Variants in ST6GALNAC2 observed in about 807,000 individuals in gnomAD.
ST6GALNAC2 encodes the protein ST6 N-acetylgalactosaminide alpha-2,6-sialyltransferase 2.
Under a neutral mutation model 38.7 loss-of-function variants are expected in ST6GALNAC2, and 42 were observed. The ratio of observed to expected loss-of-function variants is 1.09; its 90% CI spans 0.85 to 1.40. ST6GALNAC2 has a LOEUF of 1.40. ST6GALNAC2 is among the 40% of genes most tolerant of loss of function. ST6GALNAC2 has a pLI of 0.00. For missense variants in ST6GALNAC2, 506 were observed against 481.7 expected, an observed-to-expected ratio of 1.05 and a Z score of -0.47; for synonymous variants, 233 against 209.0, an observed-to-expected ratio of 1.11 and a Z score of -0.99.
chr17:76,585,576 C>G, intron 1 of ST6GALNAC2, 108 bp downstream of exon 1: 1 of 1,278,970 alleles, frequency 7.8e-7, no homozygotes, highest in Non-Finnish European at 1.0e-6. Context: ...GGGGTCCACG[C>G]GGAGGTTGGG....
In ST6GALNAC2 at chr17:76,567,499, C is replaced by T. The variant is rs1460026903; in HGVS notation, c.911G>A (p.Ser304Asn). The change falls in exon 8 of 9, where the codon AGT becomes AAT. Residue 304 changes from serine (S) to asparagine (N), a missense_variant. Physicochemically the swap from Ser to Asn is conservative, Grantham distance 46. Transcript: ENST00000225276. ...TGTCAGCAGCATGAGAGCCCCGGTACTAGGCATATATAGGTCTCCAAAATG... is the reference window on the plus strand; with the variant it reads ...TGTCAGCAGCATGAGAGCCCCGGTATTAGGCATATATAGGTCTCCAAAATG... Reference protein sequence around the residue: ...NTHFGDLYMPSTGALMLLTAL... With the variant: ...NTHFGDLYMPNTGALMLLTAL... 6.2e-7 allele frequency: 1 copy of T among 1,614,010 alleles called. No individual in the cohort carries two copies. Among genetic ancestry groups the T allele is most frequent in the Non-Finnish European group, 8.5e-7 (1 of 1,180,016 alleles).
chr17:76,567,456 G>GTA lies in ST6GALNAC2; in HGVS notation c.953_954insTA (p.Gln319ThrfsTer25). On this transcript the variant is annotated frameshift_variant, in exon 8 of 9. Transcript: ENST00000225276. LOFTEE classifies it low-confidence loss of function (END_TRUNC). ...TCTGGAAGAGAAGGCCTCTTACCTG[G>GTA]TCACAGGTATGCAAAGCTGTCAGCA... 1 of 1,610,052 alleles carries GTA rather than the reference G, an allele frequency of 6.2e-7. No individual in the cohort carries two copies. Among genetic ancestry groups the GTA allele is most frequent in the Non-Finnish European group, 8.5e-7 (1 of 1,176,436 alleles).
At chr17:76,576,022 T>C (rs1315020336) in intron 2 of ST6GALNAC2, among the ~76,000 whole-genome samples, 1 of 152,166 alleles carries the variant, frequency 6.6e-6, no homozygotes, top group East Asian at 1.9e-4. Flanking sequence ...GGCGGGAGGA[T>C]AACTTGAGGC....
At position 76,572,810 on chromosome 17, in the gene ST6GALNAC2, T is replaced by C. The variant is rs1389053651; in HGVS notation, c.531-35A>G. 5.6e-6 allele frequency: 9 copies of C among 1,612,982 alleles called. No homozygotes were observed. The South Asian group carries it at 9.9e-5, about 18-fold the overall frequency. ...ACAGAGGCCCATCAGTGTCTGCGGT[T>C]ACACCAGGCCGTCTGTTCTGCTTCC... On this transcript the variant is annotated intron_variant, in intron 4 of 8. Transcript: ENST00000225276.
intron 2 of ST6GALNAC2, 90 bp from the exon 3 acceptor site, chr17:76,574,629 T>C: frequency 2.6e-6 from 3 of 1,161,280 alleles, no homozygotes; most frequent in Non-Finnish European, 3.6e-6. Flanking sequence ...TTGCGAGTTG[T>C]GAGGGAAGGC....
In ST6GALNAC2 at chr17:76,585,814, C is replaced by T. The variant is rs1181747479; in HGVS notation, c.-6G>A. ...GACCCGCGCGGGAGCCCCATACAGC[C>T]CCGGCCCGCGAGCGCCCCGTCCGCT... On this transcript the variant is annotated 5_prime_UTR_variant, in exon 1 of 9. Coordinates refer to ENST00000225276, the MANE Select transcript of ST6GALNAC2 (RefSeq NM_006456.3). 1.3e-6 allele frequency: 2 copies of T among 1,536,994 alleles called. No homozygotes were observed. Among genetic ancestry groups the T allele is most frequent in the Non-Finnish European group, 1.7e-6 (2 of 1,144,488 alleles).
chr17:76,585,632 C>G (rs1340049942), intron 1 of ST6GALNAC2, 52 bp downstream of exon 1: 1 of 1,472,696 alleles, frequency 6.8e-7, no homozygotes, highest in Non-Finnish European at 8.9e-7. Context: ...GGGACCCTCC[C>G]CGCGCCCTGG....
chr17:76,568,883 A>T, intron 6 of ST6GALNAC2, 87 bp from the exon 7 acceptor site: 6 of 1,323,884 alleles, frequency 4.5e-6, no homozygotes, highest in Non-Finnish European at 6.5e-6. Flanking sequence ...GCGCCGGAGT[A>T]GCCGCGGTAC....
intron 1 of ST6GALNAC2, among the ~76,000 whole-genome samples, chr17:76,582,391 AC>A (rs2075490291): frequency 1.6e-5 from 2 of 126,224 alleles, no homozygotes; most frequent in Non-Finnish European, 3.3e-5. Flanking sequence ...CATGTTTCAA[AC>A]TCCTGGGCTC....
At chr17:76,585,386 A>C (rs2075533240) in intron 1 of ST6GALNAC2, among the ~76,000 whole-genome samples, 2 of 152,240 alleles carry the variant, frequency 1.3e-5, no homozygotes, top group Admixed American at 6.5e-5. Context: ...AAGTGTACTT[A>C]TCAGGCCGGG....
chr17:76,578,926 G>T (rs2075446916), intron 1 of ST6GALNAC2, 110 bp from the exon 2 acceptor site: 2 of 882,960 alleles, frequency 2.3e-6, no homozygotes, highest in Non-Finnish European at 3.5e-6. Context: ...GTCTGTCTGT[G>T]CCCATCGTGG....
In ST6GALNAC2 at chr17:76,585,842, C is replaced by A. The variant is rs747932923; in HGVS notation, c.-34G>T. 2.6e-6 allele frequency: 4 copies of A among 1,515,004 alleles called. No individual in the cohort carries two copies. Among genetic ancestry groups the A allele is most frequent in the Non-Finnish European group, 3.5e-6 (4 of 1,134,448 alleles). The allele number at this position is 1,515,004 out of a possible 1,614,324, so 93.8% of individuals were successfully genotyped here. A position where few individuals can be genotyped will look rare whatever the true frequency, so the allele number is the denominator to read the frequency against. On this transcript the variant is annotated 5_prime_UTR_variant, in exon 1 of 9. Transcript: ENST00000225276. Reference sequence around the variant, plus strand: ...GGCCCGCGAGCGCCCCGTCCGCTGACGTCCCAGGCAGAAGGGAGAGAACCG... The same window carrying A: ...GGCCCGCGAGCGCCCCGTCCGCTGAAGTCCCAGGCAGAAGGGAGAGAACCG...
intron 6 of ST6GALNAC2, 123 bp downstream of exon 6, chr17:76,570,442 G>T (rs4789314): frequency 0.99 from 636,126 of 641,424 alleles, 315,628 homozygotes; most frequent in East Asian, 1. Flanking sequence ...TCTTAGGGCT[G>T]TTCTTACTGC....
chr17:76,585,582 T>C (rs1490400445), intron 1 of ST6GALNAC2, 102 bp downstream of exon 1: 16 of 1,323,058 alleles, frequency 1.2e-5, no homozygotes, highest in Admixed American at 7.1e-5. Flanking sequence ...CACGCGGAGG[T>C]TGGGCTGAGG....
At chr17:76,579,538 G>A (rs942289392) in intron 1 of ST6GALNAC2, among the ~76,000 whole-genome samples, 1 of 152,204 alleles carries the variant, frequency 6.6e-6, no homozygotes, top group Non-Finnish European at 1.5e-5. Context: ...CCTGGTTAAG[G>A]TTATGGCTCT....
At chr17:76,583,600 G>T (rs2075505640) in intron 1 of ST6GALNAC2, among the ~76,000 whole-genome samples, 1 of 74,520 alleles carries the variant, frequency 1.3e-5, no homozygotes, top group Admixed American at 1.5e-4. Context: ...TTTGGTGAAG[G>T]CCTTTTTTTT....
rs141454499 is a variant in ST6GALNAC2, at chr17:76,573,235, G to A, written c.490C>T (p.Arg164Cys). 9 of 1,613,380 alleles carry A rather than the reference G, an allele frequency of 5.6e-6. No homozygotes were observed. Among genetic ancestry groups the A allele is most frequent in the South Asian group, 2.2e-5 (2 of 90,966 alleles). The change falls in exon 4 of 9, where the codon CGC becomes TGC. Residue 164 changes from arginine (R) to cysteine (C), a missense_variant. Transcript: ENST00000225276. This position sits in a 1 kb window ranked among gnomAD's most constrained non-coding sequence, Gnocchi z 5.1. ...VGNGGILNGS[R>C]QGPNIDAHDY... is the part of the protein sequence containing the mutation. ...TGGGCATCGATGTTGGGACCCTGGCGGGACCCATTCAGAATGCCTCCGTTG... is the reference window on the plus strand; with the variant it reads ...TGGGCATCGATGTTGGGACCCTGGCAGGACCCATTCAGAATGCCTCCGTTG...
Position 76,573,348 on chromosome 17 carries a change from A to G in ST6GALNAC2, c.377T>C (p.Leu126Pro), listed in dbSNP as rs1247726580. 4 of 1,555,208 alleles carry G rather than the reference A, an allele frequency of 2.6e-6. No individual in the cohort carries two copies. Among genetic ancestry groups the G allele is most frequent in the South Asian group, 2.4e-5 (2 of 84,870 alleles). ...ACTCTCTGAGCCGTTCAGAAGGCTC[A>G]GGGTGGAGGCGATGACTGTGGGTGC... ...GLSHQVIAST[L>P]SLLNGSESAK... The change falls in exon 4 of 9, where the codon CTG (leucine) becomes CCG (proline). Residue 126 changes from leucine to proline, a missense_variant. Leu to Pro is a moderately conservative substitution (Grantham distance 98, BLOSUM62 -3). Coordinates refer to ENST00000225276, the MANE Select transcript of ST6GALNAC2 (RefSeq NM_006456.3). This position sits in a 1 kb window ranked among gnomAD's most constrained non-coding sequence, Gnocchi z 5.1.
chr17:76,566,093 G>C lies in ST6GALNAC2; in HGVS notation c.*11C>G, dbSNP rs779040355. The C allele has an allele frequency of 2.7e-5, 43 of 1,611,666 alleles. No homozygotes were observed. The Admixed American group carries it at 6.9e-4, about 26-fold the overall frequency. ...AACTCTTGAAGAAGCAAAGGGCTCA[G>C]TGCATTGGGGTCAGCGCTGGTACAG... On this transcript the variant is annotated 3_prime_UTR_variant, in exon 9 of 9. Transcript: ENST00000225276.
Sources: gnomAD v4.1 joint callset for allele counts (sites outside exome capture counted in the v4.1 genomes callset) on GRCh38, gnomAD v4.1.1 for gene constraint, Gnocchi (gnomAD v3.1) non-coding constraint, MANE v1.5 for transcripts, NCBI Gene and HGNC (gene_info 2026-07-23, HGNC 2026-07-21) for gene names.